Variants in DAB1 observed in about 807,000 individuals in gnomAD.
DAB1 encodes the protein disabled homolog 1.
Under a neutral mutation model 64.6 loss-of-function variants are expected in DAB1, and 15 were observed. The observed-to-expected ratio is 0.23, with a 90% confidence interval of 0.16 to 0.36. DAB1 has a LOEUF of 0.36. DAB1 is among the 10% of genes least tolerant of loss of function. DAB1 has a pLI of 1.00. For synonymous variants in DAB1, 235 were observed against 251.9 expected (o/e 0.93, Z 0.64); for missense variants, 596 against 706.7 (o/e 0.84, Z 1.78).
intron 6 of DAB1, among the ~76,000 whole-genome samples, chr1:57,680,452 G>T (rs1437832572): frequency 1.3e-5 from 2 of 152,234 alleles, no homozygotes; most frequent in Non-Finnish European, 2.9e-5. Flanking sequence ...CTCCAGGAGA[G>T]AATGTTTCCT....
intron 1 of DAB1, among the ~76,000 whole-genome samples, chr1:57,344,015 G>A (rs1677885164): frequency 6.6e-6 from 1 of 152,234 alleles, no homozygotes; most frequent in Admixed American, 6.5e-5. Context: ...CACTGTGTAA[G>A]CACATTACCT....
intron 3 of DAB1, among the ~76,000 whole-genome samples, chr1:58,492,649 T>A (rs562517016): frequency 1.1e-3 from 164 of 152,170 alleles, no homozygotes; most frequent in African/African-American, 3.9e-3. Flanking sequence ...TCTACACAAA[T>A]AAACTAGAAA....
At chr1:57,198,438 C>G (rs1218154170) in intron 2 of DAB1, among the ~76,000 whole-genome samples, 1 of 152,146 alleles carries the variant, frequency 6.6e-6, no homozygotes, top group Admixed American at 6.5e-5. Context: ...TGGGCATCCC[C>G]CTGCCCCAAG....
At chr1:57,400,910 C>T (rs147484342) in intron 1 of DAB1, among the ~76,000 whole-genome samples, 6 of 151,796 alleles carry the variant, frequency 4.0e-5, no homozygotes, top group African/African-American at 1.5e-4. Context: ...GTATTCACAT[C>T]GTCTTGCTTT....
chr1:57,360,185 G>A (rs779508437), intron 1 of DAB1, among the ~76,000 whole-genome samples: 4 of 151,928 alleles, frequency 2.6e-5, no homozygotes, highest in South Asian at 2.1e-4. Flanking sequence ...CATGCAGTAC[G>A]TGATTAAAAT....
chr1:58,531,785 C>T (rs1246073797), intron 1 of DAB1, among the ~76,000 whole-genome samples: 1 of 152,068 alleles, frequency 6.6e-6, no homozygotes, highest in Non-Finnish European at 1.5e-5. Flanking sequence ...TCTCGACTCA[C>T]TGCAACCTCC....
chr1:57,871,851 C>T (rs926458870), intron 1 of DAB1, among the ~76,000 whole-genome samples: 2 of 152,108 alleles, frequency 1.3e-5, no homozygotes, highest in Non-Finnish European at 2.9e-5. Context: ...ATATGCACTA[C>T]AGGAGTGACA....
rs1645618194 is a variant in DAB1, at chr1:56,996,437, A to C, written c.*1707T>G. 1 of 152,228 alleles carries C rather than the reference A, an allele frequency of 6.6e-6. No individual in the cohort carries two copies. Among genetic ancestry groups the C allele is most frequent in the South Asian group, 2.1e-4 (1 of 4,830 alleles). The allele number at this position is 152,228 out of a possible 1,614,324, so 9.4% of individuals were successfully genotyped here. ...CAAAAATATATAGATTCTTTATGAA[A>C]ATCATGTGCTAAACATACGAACCAA... On this transcript the variant is annotated 3_prime_UTR_variant, in exon 15 of 15. Coordinates refer to ENST00000371236, the MANE Select transcript of DAB1 (RefSeq NM_001365792.1).
At chr1:57,323,656 G>A (rs1462529910) in intron 1 of DAB1, among the ~76,000 whole-genome samples, 1 of 152,064 alleles carries the variant, frequency 6.6e-6, no homozygotes, top group Non-Finnish European at 1.5e-5. Flanking sequence ...TTGGTATCTA[G>A]CAGGGTGTCC....
intron 10 of DAB1, 147 bp downstream of exon 10, chr1:57,025,834 A>G: frequency 3.2e-6 from 2 of 633,660 alleles, no homozygotes. Context: ...ATGACTAGTT[A>G]GTTTGTCCAA....
At position 58,326,067 on chromosome 1, in the gene DAB1, G is replaced by T. The variant is rs113275468; in HGVS notation, n.309+17285C>A. Among the ~76,000 whole-genome samples the T allele has an allele frequency of 3.3e-3, 505 of 152,230 alleles. 4 individuals are homozygous for T. Among genetic ancestry groups the T allele is most frequent in the African/African-American group, 9.6e-3 (399 of 41,538 alleles). On this transcript the variant is annotated intron_variant and non_coding_transcript_variant, in intron 4 of 20. Transcript: ENST00000485760. ...TCTACTCCTTCACGTGTCTCCAGGG[G>T]ACAATGTATTCAGCTTCGTAATTAC...
rs191846327 is a variant in DAB1 at position 57,730,806 on chromosome 1, G to A, written n.552-81141C>T. 5.3e-5 allele frequency among the ~76,000 whole-genome samples: 8 copies of A among 152,276 alleles called. No homozygotes were observed. In the East Asian group the frequency reaches 9.7e-4, roughly 18 times the overall value. On this transcript the variant is annotated intron_variant and non_coding_transcript_variant, in intron 6 of 20. Transcript: ENST00000485760. ...TCACACTGATTCAGATGGCTATTACGAAGAAACCCCAGAAAATTATAAGTG... is the reference window on the plus strand; with the variant it reads ...TCACACTGATTCAGATGGCTATTACAAAGAAACCCCAGAAAATTATAAGTG...
chr1:58,295,936 C>T (rs1194002420), intron 4 of DAB1, among the ~76,000 whole-genome samples: 1 of 150,840 alleles, frequency 6.6e-6, no homozygotes, highest in African/African-American at 2.4e-5. Flanking sequence ...ATTAAAAATA[C>T]AAAAAAATTA....
At chr1:57,276,864 A>C (rs1287334422) in intron 2 of DAB1, among the ~76,000 whole-genome samples, 2 of 152,196 alleles carry the variant, frequency 1.3e-5, no homozygotes, top group African/African-American at 2.4e-5. Flanking sequence ...ATTAGATTTT[A>C]AGTTCCTTGA....
intron 6 of DAB1, among the ~76,000 whole-genome samples, chr1:57,793,080 T>C (rs1013939640): frequency 3.3e-5 from 5 of 152,226 alleles, no homozygotes; most frequent in Non-Finnish European, 5.9e-5. Flanking sequence ...CTGAGCTTAG[T>C]GGTACTTAAT....
intron 5 of DAB1, among the ~76,000 whole-genome samples, chr1:57,898,679 C>A (rs1479413470): frequency 6.6e-6 from 1 of 152,134 alleles, no homozygotes; most frequent in Non-Finnish European, 1.5e-5. Context: ...AGCTTATGAT[C>A]CCTGTTGAGT....
chr1:57,620,202 T>C (rs1645839309), intron 7 of DAB1, among the ~76,000 whole-genome samples: 1 of 152,024 alleles, frequency 6.6e-6, no homozygotes. Context: ...AACCTCCCAG[T>C]AGAGGAGCTC....
At chr1:57,606,514 T>A (rs1470419601) in intron 7 of DAB1, among the ~76,000 whole-genome samples, 4 of 72,008 alleles carry the variant, frequency 5.6e-5, no homozygotes, top group African/African-American at 2.8e-4. Context: ...TATAATATAA[T>A]ATATATAATA....
chr1:57,530,318 C>T (rs1458513061), intron 7 of DAB1, among the ~76,000 whole-genome samples: 3 of 152,170 alleles, frequency 2.0e-5, no homozygotes, highest in Non-Finnish European at 4.4e-5. Flanking sequence ...TCTACTCTTA[C>T]TATGTGCAGT....
Sources: allele counts gnomAD v4.1 joint callset (sites outside exome capture counted in the v4.1 genomes callset), GRCh38; gene constraint gnomAD v4.1.1; transcripts MANE v1.5; gene names NCBI Gene and HGNC (gene_info 2026-07-23, HGNC 2026-07-21).